Variants in CYRIB observed in about 807,000 individuals in gnomAD.
CYRIB encodes CYFIP-related Rac1 interactor B.
A neutral mutation model predicts 44.2 loss-of-function variants in CYRIB; 8 were observed. The observed-to-expected ratio is 0.18, with a 90% CI of 0.11 to 0.33. The LOEUF (loss-of-function observed/expected upper bound fraction) is 0.33, where lower values mean the gene tolerates loss of function less well. Ranked by LOEUF, CYRIB falls within the 10% of genes least tolerant of loss-of-function variation. CYRIB has a pLI of 1.00. For missense variants in CYRIB, 185 were observed against 382.8 expected, an observed-to-expected ratio of 0.48 and a Z score of 4.31; for synonymous variants, 131 against 127.2, an observed-to-expected ratio of 1.03 and a Z score of -0.20.
chr8:129,913,731 T>C (rs2079259369), intron 1 of CYRIB, among the ~76,000 whole-genome samples: 1 of 152,162 alleles, frequency 6.6e-6, no homozygotes, highest in African/African-American at 2.4e-5. Flanking sequence ...AGTTTCTCTC[T>C]CTCTAGTGGG....
chr8:129,961,513 G>T (rs935023864), intron 2 of CYRIB, among the ~76,000 whole-genome samples: 1 of 152,180 alleles, frequency 6.6e-6, no homozygotes, highest in Non-Finnish European at 1.5e-5. Context: ...AGAGGGGTGG[G>T]ACTAGTGCAA....
intron 1 of CYRIB, among the ~76,000 whole-genome samples, chr8:129,927,879 T>A (rs2088842751): frequency 6.6e-6 from 1 of 152,008 alleles, no homozygotes; most frequent in South Asian, 2.1e-4. Context: ...AACAAAGACA[T>A]CAAGGCAATT....
chr8:129,905,502 C>A (rs906395929), intron 1 of CYRIB, among the ~76,000 whole-genome samples: 3 of 152,204 alleles, frequency 2.0e-5, no homozygotes, highest in Non-Finnish European at 4.4e-5. Flanking sequence ...CAATCTTTCA[C>A]TTTTCTCTAT....
chr8:129,866,923 C>T (rs1482978713), intron 4 of CYRIB, among the ~76,000 whole-genome samples: 2 of 152,172 alleles, frequency 1.3e-5, no homozygotes, highest in East Asian at 3.9e-4. Context: ...CCATTATAGC[C>T]CAACATGCAA....
At chr8:129,967,717 C>T (rs1405963005) in intron 2 of CYRIB, among the ~76,000 whole-genome samples, 1 of 152,150 alleles carries the variant, frequency 6.6e-6, no homozygotes, top group Non-Finnish European at 1.5e-5. Flanking sequence ...TTTACCAGCA[C>T]ACCAATGTAG....
chr8:129,980,497 T>C (rs988105284), intron 1 of CYRIB, among the ~76,000 whole-genome samples: 9 of 152,158 alleles, frequency 5.9e-5, no homozygotes, highest in African/African-American at 2.2e-4. Context: ...CAGCACACCA[T>C]TGATTTAATA....
At chr8:129,961,968 G>A (rs772581999) in intron 2 of CYRIB, among the ~76,000 whole-genome samples, 2 of 152,120 alleles carry the variant, frequency 1.3e-5, no homozygotes, top group African/African-American at 2.4e-5. Context: ...TTTTAATTGC[G>A]GCCAGATGCA....
At chr8:129,965,446 CCTT>C (rs2095437053) in intron 2 of CYRIB, among the ~76,000 whole-genome samples, 2 of 152,140 alleles carry the variant, frequency 1.3e-5, no homozygotes, top group African/African-American at 4.8e-5. Flanking sequence ...GAAAATCATT[CCTT>C]CTTAGCAGAT....
At chr8:129,907,924 C>T (rs950016432) in intron 1 of CYRIB, among the ~76,000 whole-genome samples, 2 of 152,178 alleles carry the variant, frequency 1.3e-5, no homozygotes, top group African/African-American at 4.8e-5. Flanking sequence ...ATTGCCTGAA[C>T]CTGGGAGGCA....
chr8:129,936,735 C>A (rs1175854918), intron 1 of CYRIB, among the ~76,000 whole-genome samples: 2 of 125,450 alleles, frequency 1.6e-5, no homozygotes, highest in Non-Finnish European at 3.2e-5. Context: ...GAGACGGAGT[C>A]TTGCTCTGTC....
chr8:129,865,235 T>C (rs1370963535), intron 4 of CYRIB, among the ~76,000 whole-genome samples: 1 of 152,356 alleles, frequency 6.6e-6, no homozygotes, highest in South Asian at 2.1e-4. Flanking sequence ...TGGAGTTACA[T>C]GTCAAGTGTT....
At chr8:129,893,723 T>C (rs1294543337) in intron 2 of CYRIB, among the ~76,000 whole-genome samples, 1 of 152,102 alleles carries the variant, frequency 6.6e-6, no homozygotes, top group Non-Finnish European at 1.5e-5. Context: ...TAGATAGAGA[T>C]GGGTTCTCGC....
chr8:129,931,635 CT>C (rs980260008), intron 1 of CYRIB, among the ~76,000 whole-genome samples: 44 of 151,390 alleles, frequency 2.9e-4, no homozygotes, highest in African/African-American at 9.7e-4. Context: ...ATGCCAGGAA[CT>C]TTTTTTTTGA....
At chr8:129,842,624 C>CA (rs11371230) in intron 11 of CYRIB, among the ~76,000 whole-genome samples, 3,419 of 151,622 alleles carry the variant, frequency 0.023, 141 homozygotes, top group African/African-American at 0.076. Context: ...CAAAGGAAGA[C>CA]AAAAAAAGAA....
intron 1 of CYRIB, among the ~76,000 whole-genome samples, chr8:129,922,850 G>A (rs1177599415): frequency 1.3e-5 from 2 of 148,834 alleles, no homozygotes; most frequent in Non-Finnish European, 3.0e-5. Context: ...GCGACAGAGT[G>A]AGACTCCGTC....
chr8:129,886,074 T>C (rs1012418565), intron 2 of CYRIB, among the ~76,000 whole-genome samples: 1 of 152,260 alleles, frequency 6.6e-6, no homozygotes, highest in Admixed American at 6.5e-5. Context: ...AAGGACTTCA[T>C]GTGCCCTCTA....
intron 1 of CYRIB, among the ~76,000 whole-genome samples, chr8:130,006,973 G>T (rs938633114): frequency 6.6e-6 from 1 of 151,966 alleles, no homozygotes; most frequent in Non-Finnish European, 1.5e-5. Flanking sequence ...TTCTAGTGGG[G>T]ATGCATGTAT....
chr8:129,886,633 C>A (rs2062867459), intron 2 of CYRIB, among the ~76,000 whole-genome samples: 1 of 152,126 alleles, frequency 6.6e-6, no homozygotes, highest in Non-Finnish European at 1.5e-5. Context: ...CCCCATCCCA[C>A]ACCACCAAAA....
intron 3 of CYRIB, among the ~76,000 whole-genome samples, chr8:129,875,321 G>A (rs1225037593): frequency 6.6e-6 from 1 of 151,622 alleles, no homozygotes; most frequent in Non-Finnish European, 1.5e-5. Flanking sequence ...GTGGAGTGCA[G>A]TAGAGCAAAT....
Sources: gnomAD v4.1 joint callset for allele counts (sites outside exome capture counted in the v4.1 genomes callset) on GRCh38, gnomAD v4.1.1 for gene constraint, MANE v1.5 for transcripts, NCBI Gene and HGNC (gene_info 2026-07-23, HGNC 2026-07-21) for gene names.